GLIPR1L1: variants seen among roughly 807,000 people sequenced by gnomAD.
The protein encoded by GLIPR1L1 is GLIPR1 like 1.
In GLIPR1L1, 26 loss-of-function variants were observed where a neutral mutation model predicts 29.9. The ratio of observed to expected loss-of-function variants is 0.87; its 90% confidence interval spans 0.64 to 1.21. GLIPR1L1 has a LOEUF of 1.21. GLIPR1L1 is among the 50% of genes most tolerant of loss of function. The probability of loss-of-function intolerance (pLI) is 0.00; values close to 1 mark genes in which losing one functional copy is unlikely to be tolerated. For missense variants in GLIPR1L1, 305 were observed against 290.3 expected, an observed-to-expected ratio of 1.05 and a Z score of -0.37; for synonymous variants, 77 against 97.5, an observed-to-expected ratio of 0.79 and a Z score of 1.24.
At chr12:75,335,974 C>T (rs958860955) in intron 1 of GLIPR1L1, among the ~76,000 whole-genome samples, 1 of 151,776 alleles carries the variant, frequency 6.6e-6, no homozygotes, top group Non-Finnish European at 1.5e-5. Flanking sequence ...CTTTATATTT[C>T]TTTTGTACTC....
chr12:75,369,711 G>T (rs188028916), intron 4 of GLIPR1L1: 2 of 985,050 alleles, frequency 2.0e-6, no homozygotes, highest in East Asian at 2.3e-4. Flanking sequence ...AGCTTTTTCT[G>T]GTTTTGACTT....
intron 3 of GLIPR1L1, among the ~76,000 whole-genome samples, chr12:75,348,932 G>C (rs77064619): frequency 0.038 from 5,853 of 152,260 alleles, 131 homozygotes; most frequent in East Asian, 0.052. Flanking sequence ...GTCTCAGTGA[G>C]AGTGTTCAGG....
chr12:75,370,219 G>C lies in GLIPR1L1; in HGVS notation c.*43G>C. 1.1e-5 allele frequency: 11 copies of C among 1,022,692 alleles called. No homozygotes were observed. Among genetic ancestry groups the C allele is most frequent in the Non-Finnish European group, 1.5e-5 (10 of 655,342 alleles). 63.4% of individuals were successfully genotyped at this position (1,022,692 alleles called of 1,614,324 possible). ...AGAAATTCTCAAATGTTAAAATAAA[G>C]GAATAGTTTATTGCTTAATATAACT... On this transcript the variant is annotated 3_prime_UTR_variant, in exon 6 of 6. Transcript: ENST00000378695.
At chr12:75,364,676 T>C (rs1449171933) in intron 4 of GLIPR1L1, 1 of 152,232 alleles carries the variant, frequency 6.6e-6, no homozygotes, top group South Asian at 2.1e-4. Context: ...ATCTTGGTTT[T>C]AGTTACAGAC....
chr12:75,361,839 T>G (rs2043617288), intron 3 of GLIPR1L1, among the ~76,000 whole-genome samples: 1 of 152,062 alleles, frequency 6.6e-6, no homozygotes. Context: ...CCTCAACACA[T>G]GGGAATTACA....
chr12:75,369,697 T>C, intron 4 of GLIPR1L1: 1 of 985,064 alleles, frequency 1.0e-6, no homozygotes. Context: ...GTTAACTACT[T>C]TATAGCTTTT....
intron 4 of GLIPR1L1, among the ~76,000 whole-genome samples, chr12:75,364,594 CAACA>C (rs2043840984): frequency 6.6e-6 from 1 of 152,092 alleles, no homozygotes; most frequent in Non-Finnish European, 1.5e-5. Flanking sequence ...ATATAAAAGC[CAACA>C]AACAAAAACA....
At chr12:75,349,200 TCA>T (rs1015007032) in intron 3 of GLIPR1L1, among the ~76,000 whole-genome samples, 2 of 152,290 alleles carry the variant, frequency 1.3e-5, no homozygotes, top group African/African-American at 4.8e-5. Context: ...TTCTTGGCAC[TCA>T]CACAGGGAGC....
At chr12:75,369,211 A>G (rs1468587683) in intron 4 of GLIPR1L1, among the ~76,000 whole-genome samples, 8 of 151,928 alleles carry the variant, frequency 5.3e-5, no homozygotes, top group Admixed American at 5.2e-4. Context: ...ATTTTTCAAT[A>G]CATTTTAGCT....
At chr12:75,356,885 C>T (rs1347389614) in intron 3 of GLIPR1L1, among the ~76,000 whole-genome samples, 1 of 152,040 alleles carries the variant, frequency 6.6e-6, no homozygotes, top group African/African-American at 2.4e-5. Flanking sequence ...ACCATGCTAA[C>T]ATCAGTCAAA....
At chr12:75,341,730 G>A (rs1237561591) in intron 1 of GLIPR1L1, among the ~76,000 whole-genome samples, 1 of 149,022 alleles carries the variant, frequency 6.7e-6, no homozygotes, top group Admixed American at 6.7e-5. Context: ...AAAGGCGTGA[G>A]CCACCGCGCC....
At chr12:75,358,890 T>C (rs889903327) in intron 3 of GLIPR1L1, among the ~76,000 whole-genome samples, 2 of 141,634 alleles carry the variant, frequency 1.4e-5, no homozygotes, top group Admixed American at 7.2e-5. Flanking sequence ...ATTATATATA[T>C]TACATATAAT....
chr12:75,352,599 C>T (rs2042888089), intron 3 of GLIPR1L1, among the ~76,000 whole-genome samples: 1 of 152,168 alleles, frequency 6.6e-6, no homozygotes, highest in Non-Finnish European at 1.5e-5. Flanking sequence ...ATGACAGAGA[C>T]AGAATATTAA....
intron 3 of GLIPR1L1, among the ~76,000 whole-genome samples, chr12:75,358,891 T>C (rs113212906): frequency 7.0e-6 from 1 of 143,832 alleles, no homozygotes; most frequent in Non-Finnish European, 1.5e-5. Flanking sequence ...TTATATATAT[T>C]ACATATAATT....
intron 4 of GLIPR1L1, chr12:75,366,976 G>A (rs959362090): frequency 1.4e-6 from 1 of 701,706 alleles, no homozygotes; most frequent in East Asian, 2.7e-5. Flanking sequence ...CTTGCAGCTT[G>A]CAGTAACAAA....
intron 3 of GLIPR1L1, chr12:75,360,070 T>A (rs2043466326): frequency 6.6e-6 from 1 of 152,136 alleles, no homozygotes; most frequent in Admixed American, 6.6e-5. Flanking sequence ...TCACTCACTA[T>A]CATGAGAACA....
intron 1 of GLIPR1L1, among the ~76,000 whole-genome samples, chr12:75,335,549 A>C (rs991403040): frequency 7.2e-5 from 11 of 152,132 alleles, no homozygotes; most frequent in Admixed American, 5.2e-4. Flanking sequence ...GTATTAGTCT[A>C]TTTTATGTGC....
chr12:75,341,034 A>T (rs1346272098), intron 1 of GLIPR1L1, among the ~76,000 whole-genome samples: 1 of 152,146 alleles, frequency 6.6e-6, no homozygotes, highest in East Asian at 1.9e-4. Context: ...TTCTTACAAA[A>T]AAAAAAAGAA....
intron 3 of GLIPR1L1, among the ~76,000 whole-genome samples, chr12:75,351,596 G>A (rs2042819178): frequency 6.6e-6 from 1 of 151,730 alleles, no homozygotes; most frequent in Admixed American, 6.6e-5. Flanking sequence ...ACCCAAGGTG[G>A]AGTGTACTGG....
Sources: allele counts gnomAD v4.1 joint callset (sites outside exome capture counted in the v4.1 genomes callset), GRCh38; gene constraint gnomAD v4.1.1; transcripts MANE v1.5; gene names NCBI Gene and HGNC (gene_info 2026-07-23, HGNC 2026-07-21).